Variants in UBFD1 observed in about 807,000 individuals in gnomAD.
The protein encoded by UBFD1 is ubiquitin family domain containing 1.
In UBFD1, 12 loss-of-function variants were observed where a neutral mutation model predicts 35.1. The ratio of observed to expected loss-of-function variants is 0.34; its 90% confidence interval spans 0.22 to 0.55. The LOEUF (loss-of-function observed/expected upper bound fraction) is 0.55. Ranked by LOEUF, UBFD1 falls within the 20% of genes least tolerant of loss-of-function variation. UBFD1 has a pLI of 0.89. For missense variants in UBFD1, 337 were observed against 410.8 expected (o/e 0.82, Z 1.55); for synonymous variants, 178 against 167.6 (o/e 1.06, Z -0.48).
At position 23,572,083 on chromosome 16, in the gene UBFD1, C is replaced by T. The variant is rs1333949495; in HGVS notation, c.*1493C>T. Reference sequence around the variant, plus strand: ...CATGTGTTCGCCCAAGATGACTATTCCTTGTGAGCCAGTTAATGATGATAT... The same window carrying T: ...CATGTGTTCGCCCAAGATGACTATTTCTTGTGAGCCAGTTAATGATGATAT... On this transcript the variant is annotated 3_prime_UTR_variant, in exon 7 of 7. Coordinates refer to ENST00000395878, the MANE Select transcript of UBFD1 (RefSeq NM_019116.3). The T allele has an allele frequency of 1.3e-5, 2 of 152,620 alleles. No individual in the cohort carries two copies. The highest frequency in any genetic ancestry group is 4.8e-5 in the African/African-American group (2 of 41,448). The allele number at this position is 152,620 out of a possible 1,614,324, so 9.5% of individuals were successfully genotyped here.
At chr16:23,560,499 A>G (rs955457717) in intron 3 of UBFD1, among the ~76,000 whole-genome samples, 1 of 152,224 alleles carries the variant, frequency 6.6e-6, no homozygotes, top group African/African-American at 2.4e-5. Context: ...TTTAGTGACC[A>G]TAGACACTAA....
chr16:23,563,148 T>C (rs1381293247), intron 5 of UBFD1, among the ~76,000 whole-genome samples: 1 of 151,888 alleles, frequency 6.6e-6, no homozygotes, highest in African/African-American at 2.4e-5. Context: ...CATTCTCACA[T>C]GGCATCGATC....
At chr16:23,558,315 C>T in intron 2 of UBFD1, 36 bp downstream of exon 2, 1 of 1,592,464 alleles carries the variant, frequency 6.3e-7, no homozygotes, top group South Asian at 1.1e-5. Context: ...GTCTTCCCCA[C>T]CCCGCCTCCT....
At chr16:23,565,719 A>G (rs1966000592) in intron 5 of UBFD1, 1 of 152,130 alleles carries the variant, frequency 6.6e-6, no homozygotes, top group Non-Finnish European at 1.5e-5. Flanking sequence ...CTAGACCAGA[A>G]CGCTGGTCTC....
intron 3 of UBFD1, 129 bp downstream of exon 3, chr16:23,559,805 A>C (rs1597037132): frequency 6.5e-7 from 1 of 1,547,418 alleles, no homozygotes; most frequent in Admixed American, 2.0e-5. Flanking sequence ...TTATGGCAGC[A>C]GTTGGGTGCC....
rs1269867746 is a variant in UBFD1, at chr16:23,566,990, G to A, written c.740G>A (p.Arg247Gln). 5 of 1,614,098 alleles carry A rather than the reference G, an allele frequency of 3.1e-6. No individual in the cohort carries two copies. The highest frequency in any genetic ancestry group is 1.1e-5 in the South Asian group (1 of 91,074). Reference protein sequence around the residue: ...QDQLWIGTKERTEKLPMGSIK... With the variant: ...QDQLWIGTKEQTEKLPMGSIK... ...ACTGTAATCCCTCTCAACTTAGAGC[G>A]GACTGAGAAATTGCCCATGGGCTCC... The change falls in exon 6 of 7, where the codon CGG (arginine) becomes CAG (glutamine). Residue 247 changes from arginine to glutamine, a missense_variant. By Grantham distance (43) the Arg-to-Gln change is conservative. Around this residue, in one of 4 missense-constraint regions of UBFD1, gnomAD observed 71 missense variants for 149.6 expected, o/e 0.47. Transcript: ENST00000395878.
At position 23,559,474 on chromosome 16, in the gene UBFD1, C is replaced by G. The variant is rs946073798; in HGVS notation, c.362C>G (p.Pro121Arg). Reference protein sequence around the residue: ...KQKIHSITGLPPAMQKVMYKG... With the variant: ...KQKIHSITGLRPAMQKVMYKG... ...CCTTCTACCTTTTCCCAAGGTCTCC[C>G]GCCTGCCATGCAGAAAGTCATGTAT... The change falls in exon 3 of 7, where the codon CCG becomes CGG. Residue 121 changes from proline (P) to arginine (R), a missense_variant. Transcript: ENST00000395878. The G allele has an allele frequency of 6.2e-7, 1 of 1,613,456 alleles. No individual in the cohort carries two copies. The highest frequency in any genetic ancestry group is 8.5e-7 in the Non-Finnish European group (1 of 1,179,872).
Position 23,559,656 on chromosome 16 carries a change from G to C in UBFD1, c.544G>C (p.Glu182Gln), listed in dbSNP as rs1284723312. The C allele has an allele frequency of 1.9e-6, 3 of 1,614,230 alleles. No individual in the cohort carries two copies. The highest frequency in any genetic ancestry group is 2.5e-6 in the Non-Finnish European group (3 of 1,180,046). The part of the protein sequence containing the change: ...QDAKAEENKK[E>Q]PLCRQKQHRK... The stretch of plus-strand genomic sequence containing the variant: ...TGCAAAGGCCGAAGAGAACAAGAAG[G>C]AGCCTCTCTGCAGGCAGAAAGTGAG... The change falls in exon 3 of 7, where the codon GAG (glutamate) becomes CAG (glutamine). Residue 182 changes from glutamate to glutamine, a missense_variant. Around this residue, in one of 4 missense-constraint regions of UBFD1, gnomAD observed 44 missense variants for 39.2 expected, o/e 1.12. Coordinates refer to ENST00000395878, the MANE Select transcript of UBFD1 (RefSeq NM_019116.3).
At chr16:23,566,209 A>G (rs370061174) in intron 5 of UBFD1, 4 of 152,286 alleles carry the variant, frequency 2.6e-5, no homozygotes, top group Admixed American at 6.5e-5. Flanking sequence ...ATCTAGCCCT[A>G]AAATCCAGGC....
chr16:23,567,274 C>G (rs919990226), intron 6 of UBFD1, among the ~76,000 whole-genome samples: 5 of 152,186 alleles, frequency 3.3e-5, no homozygotes, highest in Non-Finnish European at 5.9e-5. Context: ...CCCCCCCACA[C>G]ACACCTTCCA....
chr16:23,559,415 A>G, intron 2 of UBFD1, 53 bp from the exon 3 acceptor site: 4 of 1,515,494 alleles, frequency 2.6e-6, no homozygotes, highest in Non-Finnish European at 3.6e-6. Flanking sequence ...TAGTATCCAT[A>G]CATTTTTCTG....
At chr16:23,563,374 CA>C (rs1459445338) in intron 5 of UBFD1, among the ~76,000 whole-genome samples, 11 of 152,120 alleles carry the variant, frequency 7.2e-5, no homozygotes, top group Admixed American at 7.2e-4. Flanking sequence ...CCCGCCTGTG[CA>C]CGGTGTCTGG....
intron 5 of UBFD1, 91 bp downstream of exon 5, chr16:23,562,821 C>T (rs915610528): frequency 1.0e-5 from 11 of 1,080,828 alleles, no homozygotes; most frequent in Admixed American, 1.9e-5. Context: ...ACCCCTCCTT[C>T]TGAAACCTCT....
chr16:23,563,810 A>G (rs1965972993), intron 5 of UBFD1, among the ~76,000 whole-genome samples: 2 of 152,196 alleles, frequency 1.3e-5, no homozygotes, highest in Admixed American at 6.5e-5. Context: ...TGTGCTTTGC[A>G]CAGCTCCTTG....
chr16:23,567,473 A>G (rs1019814983), intron 6 of UBFD1, among the ~76,000 whole-genome samples: 1 of 152,130 alleles, frequency 6.6e-6, no homozygotes, highest in Non-Finnish European at 1.5e-5. Flanking sequence ...TGGTGAGGGC[A>G]CCAGACAGCC....
At chr16:23,559,234 C>T (rs1965890464) in intron 2 of UBFD1, 1 of 418,648 alleles carries the variant, frequency 2.4e-6, no homozygotes, top group South Asian at 2.8e-5. Flanking sequence ...TACTAAATGC[C>T]CCGCATTGGT....
chr16:23,571,662 C>G lies in UBFD1; in HGVS notation c.*1072C>G, dbSNP rs151109844. 2.6e-5 allele frequency: 4 copies of G among 152,830 alleles called. No individual in the cohort carries two copies. The highest frequency in any genetic ancestry group is 9.6e-5 in the African/African-American group (4 of 41,596). 9.5% of individuals were successfully genotyped at this position (152,830 alleles called of 1,614,324 possible). A position where few individuals can be genotyped will look rare whatever the true frequency, so the allele number is the denominator to read the frequency against. On this transcript the variant is annotated 3_prime_UTR_variant, in exon 7 of 7. Transcript: ENST00000395878. ...AATTATGCTTCTCCATTGGGTCCTTCTGCTCATGCATTCAGTTCAAGTGTC... is the reference window on the plus strand; with the variant it reads ...AATTATGCTTCTCCATTGGGTCCTTGTGCTCATGCATTCAGTTCAAGTGTC...
chr16:23,559,996 C>G (rs568349692), intron 3 of UBFD1: 3 of 938,198 alleles, frequency 3.2e-6, no homozygotes, highest in South Asian at 3.8e-5. Flanking sequence ...ACTACCAGTA[C>G]TAGAAGTAAG....
intron 5 of UBFD1, among the ~76,000 whole-genome samples, chr16:23,564,294 C>T (rs368378397): frequency 6.6e-6 from 1 of 152,196 alleles, no homozygotes; most frequent in Non-Finnish European, 1.5e-5. Flanking sequence ...CAACCCTATA[C>T]TGATTGTTAA....
Sources: gnomAD v4.1 joint callset for allele counts (sites outside exome capture counted in the v4.1 genomes callset) on GRCh38, gnomAD v4.1.1 for gene constraint, gnomAD v4.1.1 regional missense constraint, MANE v1.5 for transcripts, NCBI Gene and HGNC (gene_info 2026-07-23, HGNC 2026-07-21) for gene names.